The following ABCB11 variants were observed in gnomAD, a reference collection of about 807,000 sequenced individuals.
ABCB11 encodes ATP binding cassette subfamily B member 11.
A neutral mutation model predicts 148.0 loss-of-function variants in ABCB11; 95 were observed. The observed-to-expected ratio is 0.64, with a 90% confidence interval of 0.54 to 0.76. ABCB11 has a LOEUF of 0.76. ABCB11 is among the 30% of genes least tolerant of loss of function. The pLI is 0.00. For synonymous variants in ABCB11, 591 were observed against 555.4 expected, an observed-to-expected ratio of 1.06 and a Z score of -0.90; for missense variants, 1,523 against 1,617.8, an observed-to-expected ratio of 0.94 and a Z score of 1.01.
chr2:169,027,374 G>A (rs1006874580), intron 1 of ABCB11, among the ~76,000 whole-genome samples: 6 of 152,112 alleles, frequency 3.9e-5, no homozygotes, highest in Admixed American at 3.3e-4. Context: ...AGTGACATGT[G>A]GTCTATAACC....
chr2:168,961,528 T>C (rs1693075999), intron 18 of ABCB11, among the ~76,000 whole-genome samples: 1 of 151,746 alleles, frequency 6.6e-6, no homozygotes, highest in Non-Finnish European at 1.5e-5. Context: ...TATTTGATCC[T>C]GACTTGATCT....
intron 21 of ABCB11, among the ~76,000 whole-genome samples, chr2:168,941,231 G>A (rs921163104): frequency 4.0e-5 from 6 of 151,838 alleles, no homozygotes; most frequent in Non-Finnish European, 7.4e-5. Context: ...CTCTGGAAAG[G>A]ATTCACCATT....
intron 19 of ABCB11, among the ~76,000 whole-genome samples, chr2:168,947,459 A>C (rs1276474122): frequency 6.6e-6 from 1 of 151,656 alleles, no homozygotes; most frequent in Non-Finnish European, 1.5e-5. Flanking sequence ...TACGCCTTAC[A>C]TGTATATTGA....
chr2:169,006,566 A>G (rs762002550), intron 5 of ABCB11, among the ~76,000 whole-genome samples: 8,602 of 141,504 alleles, frequency 0.061, 287 homozygotes, highest in African/African-American at 0.12. Context: ...GATAAAATAA[A>G]ATAAAATAAA....
rs146788726 is a variant in ABCB11, at chr2:168,983,300, T to C, written c.1083+2810A>G. 2.4e-3 allele frequency among the ~76,000 whole-genome samples: 369 copies of C among 152,294 alleles called. 3 individuals are homozygous for C. Among genetic ancestry groups the C allele is most frequent in the African/African-American group, 8.3e-3 (347 of 41,578 alleles). ...ATAAGCAGCTAGGACTAAAGCCAAC[T>C]ACTGATATCCCTATTTTGGTAAATG... On this transcript the variant is annotated intron_variant, in intron 10 of 27. Coordinates refer to ENST00000650372, the MANE Select transcript of ABCB11 (RefSeq NM_003742.4).
intron 21 of ABCB11, among the ~76,000 whole-genome samples, chr2:168,938,636 T>C (rs917646272): frequency 6.6e-6 from 1 of 152,172 alleles, no homozygotes; most frequent in Non-Finnish European, 1.5e-5. Flanking sequence ...ATGTACTTAA[T>C]GCCATTCAGC....
At chr2:168,949,173 A>C (rs1692454926) in intron 19 of ABCB11, among the ~76,000 whole-genome samples, 1 of 151,624 alleles carries the variant, frequency 6.6e-6, no homozygotes, top group South Asian at 2.1e-4. Context: ...AGCCAAGAAA[A>C]CATGATCACA....
At chr2:168,952,296 T>C (rs754763207) in intron 19 of ABCB11, among the ~76,000 whole-genome samples, 6 of 151,496 alleles carry the variant, frequency 4.0e-5, no homozygotes, top group Non-Finnish European at 8.9e-5. Flanking sequence ...TTCAGGAGGA[T>C]TGGTATTAGC....
chr2:168,945,686 C>T (rs1189087798), intron 19 of ABCB11, among the ~76,000 whole-genome samples: 6 of 151,100 alleles, frequency 4.0e-5, no homozygotes, highest in African/African-American at 1.2e-4. Context: ...GGGAGGGAAT[C>T]GAGATCTGGA....
In ABCB11 at chr2:168,944,739, G is replaced by C. The variant is rs765838062; in HGVS notation, c.2476C>G (p.Leu826Val). 1 of 1,612,634 alleles carries C rather than the reference G, an allele frequency of 6.2e-7. No homozygotes were observed. Among genetic ancestry groups the C allele is most frequent in the Non-Finnish European group, 8.5e-7 (1 of 1,179,098 alleles). The stretch of plus-strand genomic sequence containing the variant: ...AATTTACGTAGCCTTTTTGTTAGGA[G>C]CTCCCCAGATTTAGCAAAGGCATAT... Reference protein sequence around the residue: ...QGYAFAKSGELLTKRLRKFGF... With the variant: ...QGYAFAKSGEVLTKRLRKFGF... The change falls in exon 21 of 28, where the codon CTC (leucine) becomes GTC (valine). Residue 826 changes from leucine to valine, a missense_variant. Transcript: ENST00000650372.
chr2:168,934,567 A>T (rs1166400689), intron 23 of ABCB11, among the ~76,000 whole-genome samples: 4 of 152,222 alleles, frequency 2.6e-5, no homozygotes, highest in Admixed American at 1.3e-4. Flanking sequence ...GTCTCTGCCT[A>T]GGAGGAGTCA....
intron 23 of ABCB11, among the ~76,000 whole-genome samples, chr2:168,932,770 A>G (rs1342055383): frequency 1.3e-5 from 2 of 152,118 alleles, no homozygotes; most frequent in Non-Finnish European, 2.9e-5. Context: ...TGAAGGGGGG[A>G]GAGCTCAGAC....
intron 22 of ABCB11, 93 bp downstream of exon 22, chr2:168,936,137 C>T: frequency 8.0e-7 from 1 of 1,254,066 alleles, no homozygotes; most frequent in African/African-American, 1.5e-5. Context: ...GGGCTGACAG[C>T]TTCCTTCAGT....
intron 5 of ABCB11, among the ~76,000 whole-genome samples, chr2:169,000,106 C>T (rs1694827185): frequency 6.6e-6 from 1 of 152,068 alleles, no homozygotes; most frequent in South Asian, 2.1e-4. Flanking sequence ...CATTTGCCAT[C>T]TTTTGTCCTT....
At chr2:168,971,228 G>A (rs1693565850) in intron 14 of ABCB11, among the ~76,000 whole-genome samples, 1 of 151,988 alleles carries the variant, frequency 6.6e-6, no homozygotes, top group Non-Finnish European at 1.5e-5. Flanking sequence ...AGGGTTTAAT[G>A]AGTTAATAGG....
chr2:168,948,975 AC>A (rs1296423846), intron 19 of ABCB11, among the ~76,000 whole-genome samples: 2 of 151,706 alleles, frequency 1.3e-5, no homozygotes, highest in East Asian at 3.9e-4. Flanking sequence ...GGAGTAGGGA[AC>A]TAAAATGTAA....
intron 11 of ABCB11, among the ~76,000 whole-genome samples, chr2:168,977,606 C>T (rs965609141): frequency 6.6e-6 from 1 of 152,108 alleles, no homozygotes; most frequent in South Asian, 2.1e-4. Context: ...CTGTATTAGT[C>T]CATTTTCACA....
In ABCB11 at chr2:168,968,462, C is replaced by T; in HGVS notation, c.2040G>A (p.Arg680=). 1.2e-6 allele frequency: 2 copies of T among 1,611,128 alleles called. No individual in the cohort carries two copies. The highest frequency in any genetic ancestry group is 1.7e-6 in the Non-Finnish European group (2 of 1,178,428). Residue 680 remains arginine, a synonymous_variant, in exon 17 of 28, where the codon AGG becomes AGA. Coordinates refer to ENST00000650372, the MANE Select transcript of ABCB11 (RefSeq NM_003742.4). ...CCTGGTAGCTCCCTCTGCTAAAGGTCCTCGCAAGCATGTCATCTTCAGTTG... is the reference window on the plus strand; with the variant it reads ...CCTGGTAGCTCCCTCTGCTAAAGGTTCTCGCAAGCATGTCATCTTCAGTTG... The part of the protein sequence containing the change: ...KDATEDDMLA[R]TFSRGSYQDS...
intron 11 of ABCB11, 127 bp downstream of exon 11, chr2:168,979,739 C>G: frequency 2.8e-6 from 1 of 354,448 alleles, no homozygotes. Flanking sequence ...ATAAGTGTTG[C>G]TGAATTAAGG....
Sources: allele counts gnomAD v4.1 joint callset (sites outside exome capture counted in the v4.1 genomes callset), GRCh38; gene constraint gnomAD v4.1.1; transcripts MANE v1.5; gene names NCBI Gene and HGNC (gene_info 2026-07-23, HGNC 2026-07-21).